ACACA: variants seen among roughly 807,000 people sequenced by gnomAD.
ACACA encodes the protein acetyl-CoA carboxylase 1.
In ACACA, 103 loss-of-function variants were observed where a neutral mutation model predicts 296.1. The observed-to-expected ratio is 0.35, with a 90% confidence interval of 0.30 to 0.41. ACACA has a LOEUF of 0.41. Among genes scored for constraint, ACACA ranks in the 10% least tolerant of loss-of-function variants. The probability of loss-of-function intolerance (pLI) is 1.00; values close to 1 mark genes in which losing one functional copy is unlikely to be tolerated. For missense variants in ACACA, 1,554 were observed against 2,989.7 expected (o/e 0.52, Z 11.20); for synonymous variants, 953 against 1,038.6 (o/e 0.92, Z 1.58).
intron 52 of ACACA, among the ~76,000 whole-genome samples, chr17:37,099,530 AGGAGGGCTGATGGCG>A (rs1276202602): frequency 4.6e-5 from 4 of 87,908 alleles, no homozygotes; most frequent in African/African-American, 6.6e-5. Context: ...GGCTGATGGG[AGGAGGGCTGATGGCG>A]GGAGGGCTGA....
At chr17:37,093,627 A>G (rs1469518558) in intron 54 of ACACA, among the ~76,000 whole-genome samples, 3 of 152,096 alleles carry the variant, frequency 2.0e-5, no homozygotes, top group Non-Finnish European at 4.4e-5. Flanking sequence ...CCCCCTGAGG[A>G]GCTAGGACTA....
At chr17:37,100,630 CAAAA>C (rs35888166) in intron 52 of ACACA, among the ~76,000 whole-genome samples, 2 of 105,436 alleles carry the variant, frequency 1.9e-5, no homozygotes, top group African/African-American at 3.4e-5. Context: ...GACCGCCCCT[CAAAA>C]AAAAAAAAAA....
In ACACA at chr17:37,245,189, G is replaced by C. The variant is rs1484374901; in HGVS notation, c.2486C>G (p.Thr829Arg). The stretch of plus-strand genomic sequence containing the variant: ...ATGGATACAGCCAGACTCCACAGCT[G>C]TTAAGGTCATTACCATCTTCATTAC... The part of the protein sequence containing the change: ...IEVMKMVMTL[T>R]AVESGCIHYV... Residue 829 changes from threonine to arginine, a missense_variant, in exon 20 of 56, where the codon ACA becomes AGA. By Grantham distance (71) the Thr-to-Arg change is moderately conservative (BLOSUM62 -1). Around this residue, in one of 16 missense-constraint regions of ACACA, gnomAD observed 316 missense variants for 540.9 expected, o/e 0.58. Coordinates refer to ENST00000616317, the MANE Select transcript of ACACA (RefSeq NM_198834.3). 6.2e-7 allele frequency: 1 copy of C among 1,613,920 alleles called. No individual in the cohort carries two copies. The highest frequency in any genetic ancestry group is 8.5e-7 in the Non-Finnish European group (1 of 1,179,968).
chr17:37,377,783 C>T, intron 1 of ACACA: 1 of 922,208 alleles, frequency 1.1e-6, no homozygotes, highest in Non-Finnish European at 1.7e-6. Flanking sequence ...TTCATATCTT[C>T]TCCATTGCCC....
chr17:37,213,565 A>G (rs1234951088), intron 29 of ACACA, among the ~76,000 whole-genome samples: 1 of 152,174 alleles, frequency 6.6e-6, no homozygotes, highest in Non-Finnish European at 1.5e-5. Flanking sequence ...GTGATAACCA[A>G]AAAACCAAAG....
At chr17:37,143,824 T>A (rs985739323) in intron 45 of ACACA, 44 of 1,370,484 alleles carry the variant, frequency 3.2e-5, no homozygotes, top group Non-Finnish European at 4.1e-5. Context: ...TGCAGCAGTA[T>A]CCTTTTCGTA....
rs565657290 is a variant in ACACA, at chr17:37,292,003, C to T, written c.339-7033G>A. Reference sequence around the variant, plus strand: ...TCTAAGAAGTAATTTTTTAACTTTGCACAAAACATAGTATGAATGTCATAT... The same window carrying T: ...TCTAAGAAGTAATTTTTTAACTTTGTACAAAACATAGTATGAATGTCATAT... On this transcript the variant is annotated intron_variant, in intron 3 of 55. Coordinates refer to ENST00000616317, the MANE Select transcript of ACACA (RefSeq NM_198834.3). Among the ~76,000 whole-genome samples, 5 of 150,722 alleles carry T rather than the reference C, an allele frequency of 3.3e-5. No homozygotes were observed. The East Asian group carries it at 9.7e-4, about 29-fold the overall frequency.
intron 11 of ACACA, among the ~76,000 whole-genome samples, chr17:37,261,690 T>C (rs1411986683): frequency 2.0e-5 from 3 of 152,232 alleles, no homozygotes; most frequent in Admixed American, 2.0e-4. Context: ...ATTGCACTTC[T>C]CTGGAGTGTG....
rs1359979679 is a variant in ACACA at position 37,226,339 on chromosome 17, C to T, written c.3360G>A (p.Gln1120=). ...TAAGAAAACCAACAAATGTCCTTAC[C>T]TGGCGTGCTCGAAGTGCTACTTTGG... is the stretch of plus-strand genomic sequence containing the variant. ...TNAKVALRAR[Q]VLIASHLPSY... The change falls in exon 26 of 56, where the codon CAG becomes CAA. Residue 1120 remains glutamine, a splice_region_variant and synonymous_variant. Transcript: ENST00000616317. 6.2e-7 allele frequency: 1 copy of T among 1,611,978 alleles called. No individual in the cohort carries two copies. Among genetic ancestry groups the T allele is most frequent in the East Asian group, 2.2e-5 (1 of 44,862 alleles).
intron 52 of ACACA, among the ~76,000 whole-genome samples, chr17:37,106,078 AGTT>A (rs1428451075): frequency 6.6e-6 from 1 of 152,144 alleles, no homozygotes; most frequent in African/African-American, 2.4e-5. Context: ...AAACACAAGC[AGTT>A]GTTTAAAAGA....
At position 37,391,176 on chromosome 17, in the gene ACACA, T is replaced by C. The variant is rs551238910; in HGVS notation, c.38+15086A>G. Among the ~76,000 whole-genome samples, 6 of 152,198 alleles carry C rather than the reference T, an allele frequency of 3.9e-5. No homozygotes were observed. In the East Asian group the frequency reaches 1.2e-3, roughly 29 times the overall value. On this transcript the variant is annotated intron_variant, in intron 1 of 55. Transcript: ENST00000616317. Reference sequence around the variant, plus strand: ...TCGCTTGAACCCGGGAGGCACAGGCTGCGGTGAGCTGAGATCACACCACTG... The same window carrying C: ...TCGCTTGAACCCGGGAGGCACAGGCCGCGGTGAGCTGAGATCACACCACTG...
Position 37,330,225 on chromosome 17 carries a change from G to C in ACACA, c.286C>G (p.Leu96Val). ...AGGCTAGAGATCCCCAAATCAGAGAGTGTATCTGAGCCAACAGAAGCAGGT... is the reference window on the plus strand; with the variant it reads ...AGGCTAGAGATCCCCAAATCAGAGACTGTATCTGAGCCAACAGAAGCAGGT... ...LSPASVGSDT[L>V]SDLGISSLQD... The change falls in exon 3 of 56, where the codon CTC becomes GTC. Residue 96 changes from leucine (L) to valine (V), a missense_variant. Around this residue, in one of 16 missense-constraint regions of ACACA, gnomAD observed 140 missense variants for 147.7 expected, o/e 0.95. Transcript: ENST00000616317. 6.2e-7 allele frequency: 1 copy of C among 1,614,182 alleles called. No individual in the cohort carries two copies. The highest frequency in any genetic ancestry group is 1.3e-5 in the African/African-American group (1 of 75,062).
intron 27 of ACACA, among the ~76,000 whole-genome samples, chr17:37,224,139 T>C (rs7222011): frequency 0.23 from 35,123 of 152,046 alleles, 4,431 homozygotes; most frequent in Admixed American, 0.35. Context: ...GAGGTGGAGG[T>C]TGCAGTGAGC....
chr17:37,276,922 AG>A, intron 7 of ACACA, 110 bp downstream of exon 7: 18 of 916,776 alleles, frequency 2.0e-5, no homozygotes, highest in Non-Finnish European at 3.1e-5. Context: ...GGAAAAAAAA[AG>A]AGAGAGAGAG....
chr17:37,252,700 A>C (rs2081051077), intron 15 of ACACA, among the ~76,000 whole-genome samples, 186 bp downstream of exon 15: 2 of 152,248 alleles, frequency 1.3e-5, no homozygotes, highest in Non-Finnish European at 2.9e-5. Flanking sequence ...GCTAGAACAT[A>C]AAATGACTGT....
chr17:37,210,539 T>A, intron 29 of ACACA, 49 bp from the exon 30 acceptor site: 2 of 1,571,336 alleles, frequency 1.3e-6, no homozygotes, highest in Non-Finnish European at 1.8e-6. Flanking sequence ...GTGAAAGCCA[T>A]AATAAAAGAA....
At chr17:37,239,898 C>G (rs2080305567) in intron 24 of ACACA, among the ~76,000 whole-genome samples, 1 of 152,202 alleles carries the variant, frequency 6.6e-6, no homozygotes, top group Non-Finnish European at 1.5e-5. Flanking sequence ...TGATGTTTCA[C>G]TGCCATCTTG....
chr17:37,389,444 C>G (rs903007884), intron 1 of ACACA: 16 of 1,498,442 alleles, frequency 1.1e-5, no homozygotes, highest in Admixed American at 2.1e-5. Flanking sequence ...CACCTCTATT[C>G]CCAGCACTTT....
intron 45 of ACACA, among the ~76,000 whole-genome samples, chr17:37,135,292 T>C (rs2075284644): frequency 1.3e-5 from 2 of 152,368 alleles, no homozygotes; most frequent in East Asian, 3.9e-4. Context: ...ATACAGTTTC[T>C]TAATGCATAG....
Sources: allele counts gnomAD v4.1 joint callset (sites outside exome capture counted in the v4.1 genomes callset), GRCh38; gene constraint gnomAD v4.1.1; regional missense constraint gnomAD v4.1.1; transcripts MANE v1.5; gene names NCBI Gene and HGNC (gene_info 2026-07-23, HGNC 2026-07-21).